Variants in BMP5 observed in about 807,000 individuals in gnomAD.
The protein encoded by BMP5 is bone morphogenetic protein 5.
In BMP5, 23 loss-of-function variants were observed where a neutral mutation model predicts 46.6. The ratio of observed to expected loss-of-function variants is 0.49; its 90% CI spans 0.35 to 0.70. The LOEUF (loss-of-function observed/expected upper bound fraction) is 0.70. Ranked by LOEUF, BMP5 falls within the 30% of genes least tolerant of loss-of-function variation. BMP5 has a pLI of 0.00. For synonymous variants in BMP5, 204 were observed against 191.9 expected (o/e 1.06, Z -0.52); for missense variants, 545 against 565.6 (o/e 0.96, Z 0.37).
chr6:55,765,872 C>T (rs1231044140), intron 4 of BMP5, among the ~76,000 whole-genome samples: 2 of 152,076 alleles, frequency 1.3e-5, no homozygotes, highest in African/African-American at 2.4e-5. Flanking sequence ...TAATTAACAT[C>T]GTCACTTTAG....
intron 4 of BMP5, among the ~76,000 whole-genome samples, chr6:55,771,641 G>A (rs138268818): frequency 6.6e-6 from 1 of 151,950 alleles, no homozygotes; most frequent in East Asian, 1.9e-4. Flanking sequence ...AGGAAGAATC[G>A]TTGAAGTAGA....
chr6:55,846,772 T>C (rs1437205430), intron 1 of BMP5, among the ~76,000 whole-genome samples: 15 of 151,704 alleles, frequency 9.9e-5, no homozygotes, highest in African/African-American at 3.4e-4. Flanking sequence ...AAACATCTGA[T>C]ATTTGTATTG....
chr6:55,809,587 T>G (rs1776072368), intron 2 of BMP5, among the ~76,000 whole-genome samples: 1 of 152,058 alleles, frequency 6.6e-6, no homozygotes, highest in Non-Finnish European at 1.5e-5. Context: ...CATGAATATA[T>G]GTATATGTGT....
intron 1 of BMP5, among the ~76,000 whole-genome samples, chr6:55,860,012 A>C (rs972389886): frequency 4.6e-5 from 7 of 152,258 alleles, no homozygotes; most frequent in African/African-American, 1.7e-4. Flanking sequence ...TTGGTGGCTC[A>C]TGCCTATAAT....
intron 3 of BMP5, among the ~76,000 whole-genome samples, chr6:55,774,752 C>T (rs1356453790): frequency 1.3e-5 from 2 of 151,942 alleles, no homozygotes; most frequent in East Asian, 1.9e-4. Context: ...TGCCCAGCAA[C>T]CTTTACTAAG....
At chr6:55,768,375 A>G (rs2127518810) in intron 4 of BMP5, among the ~76,000 whole-genome samples, 1 of 152,060 alleles carries the variant, frequency 6.6e-6, no homozygotes, top group African/African-American at 2.4e-5. Context: ...GAGTACCCAC[A>G]CAAGCATTCT....
At chr6:55,788,681 T>G (rs191160588) in intron 3 of BMP5, among the ~76,000 whole-genome samples, 2 of 152,010 alleles carry the variant, frequency 1.3e-5, no homozygotes, top group East Asian at 3.9e-4. Flanking sequence ...TTCACATACC[T>G]TGTGAGGTAA....
intron 5 of BMP5, 56 bp from the exon 6 acceptor site, chr6:55,759,171 A>AAAAAAAAAAAAAAAAAAAAAAAAAAC: frequency 1.2e-6 from 1 of 829,904 alleles, no homozygotes; most frequent in Non-Finnish European, 1.8e-6. Context: ...AAAAAAAAAA[A>AAAAAAAAAAAAAAAAAAAAAAAAAAC]AAAAAAAAAA....
chr6:55,875,219 T>A lies in BMP5; in HGVS notation c.-354A>T. On this transcript the variant is annotated 5_prime_UTR_variant, in exon 1 of 7. Transcript: ENST00000370830. ...ATTTATGATAATCAGGCCTTTGGTA[T>A]TTGAATTAGCAAAAGTTGATCTTCT... 1 of 228,864 alleles carries A rather than the reference T, an allele frequency of 4.4e-6. No individual in the cohort carries two copies. The highest frequency in any genetic ancestry group is 8.7e-6 in the Non-Finnish European group (1 of 114,872). The allele number at this position is 228,864 out of a possible 1,614,324, so 14.2% of individuals were successfully genotyped here.
At position 55,812,077 on chromosome 6, in the gene BMP5, T is replaced by C. The variant is rs372941131; in HGVS notation, c.683+7578A>G. 5.1e-4 allele frequency among the ~76,000 whole-genome samples: 78 copies of C among 152,234 alleles called. No homozygotes were observed. The South Asian group carries it at 0.016, about 31-fold the overall frequency. On this transcript the variant is annotated intron_variant, in intron 2 of 6. Transcript: ENST00000370830. ...CAGCTGAATTATCTGGAAAATTCAA[T>C]CATGTGGAAACCTCCTTTCCCAATA...
chr6:55,823,014 C>G (rs2127539663), intron 1 of BMP5, among the ~76,000 whole-genome samples: 1 of 151,964 alleles, frequency 6.6e-6, no homozygotes, highest in South Asian at 2.1e-4. Flanking sequence ...CTAATGATGC[C>G]CACAAATATT....
At chr6:55,852,919 CAGG>C (rs1365500403) in intron 1 of BMP5, among the ~76,000 whole-genome samples, 1 of 151,980 alleles carries the variant, frequency 6.6e-6, no homozygotes, top group Non-Finnish European at 1.5e-5. Context: ...ATCACGAGGT[CAGG>C]AGATCGAGAC....
chr6:55,761,714 C>T (rs1460982417), intron 4 of BMP5, among the ~76,000 whole-genome samples: 1 of 152,108 alleles, frequency 6.6e-6, no homozygotes, highest in Non-Finnish European at 1.5e-5. Context: ...CCTGATACAC[C>T]TGATTTCTCT....
intron 2 of BMP5, among the ~76,000 whole-genome samples, chr6:55,814,543 C>T (rs2127536570): frequency 6.6e-6 from 1 of 152,202 alleles, no homozygotes; most frequent in African/African-American, 2.4e-5. Context: ...CAAGTCTATG[C>T]TCTTATGGCA....
At chr6:55,835,721 C>T (rs1776778160) in intron 1 of BMP5, among the ~76,000 whole-genome samples, 1 of 152,096 alleles carries the variant, frequency 6.6e-6, no homozygotes, top group African/African-American at 2.4e-5. Flanking sequence ...TTCTGAAATG[C>T]CAACTATAGC....
In BMP5 at chr6:55,848,325, A is replaced by G. The variant is rs1777146596; in HGVS notation, c.490+26051T>C. Among the ~76,000 whole-genome samples, 3 of 152,014 alleles carry G rather than the reference A, an allele frequency of 2.0e-5. No homozygotes were observed. In the South Asian group the frequency reaches 6.2e-4, roughly 31 times the overall value. ...AAAGAATGCAAATTTGTAAACAAAGAAAACACTGTTTCCCAGTCACTACAC... is the reference window on the plus strand; with the variant it reads ...AAAGAATGCAAATTTGTAAACAAAGGAAACACTGTTTCCCAGTCACTACAC... On this transcript the variant is annotated intron_variant, in intron 1 of 6. Coordinates refer to ENST00000370830, the MANE Select transcript of BMP5 (RefSeq NM_021073.4).
At chr6:55,776,890 A>G (rs190907133) in intron 3 of BMP5, among the ~76,000 whole-genome samples, 1 of 152,066 alleles carries the variant, frequency 6.6e-6, no homozygotes, top group Admixed American at 6.6e-5. Context: ...TACGGATCTG[A>G]AGATTTATGT....
At chr6:55,872,718 C>T (rs1443259048) in intron 1 of BMP5, among the ~76,000 whole-genome samples, 1 of 151,840 alleles carries the variant, frequency 6.6e-6, no homozygotes, top group African/African-American at 2.4e-5. Context: ...AAATATGTAA[C>T]ATACATATGC....
intron 6 of BMP5, among the ~76,000 whole-genome samples, chr6:55,758,633 T>C (rs1191907562): frequency 2.0e-5 from 3 of 151,940 alleles, no homozygotes; most frequent in Admixed American, 2.0e-4. Flanking sequence ...AACCCTCAGA[T>C]GAAATTTAGT....
Sources: allele counts gnomAD v4.1 joint callset (sites outside exome capture counted in the v4.1 genomes callset), GRCh38; gene constraint gnomAD v4.1.1; transcripts MANE v1.5; gene names NCBI Gene and HGNC (gene_info 2026-07-23, HGNC 2026-07-21).